The following ZMAT4 variants were observed in gnomAD, a reference collection of about 807,000 sequenced individuals.
ZMAT4 encodes the protein zinc finger matrin-type protein 4.
In ZMAT4, 17 loss-of-function variants were observed where a neutral mutation model predicts 28.7. The observed-to-expected ratio is 0.59, with a 90% CI of 0.41 to 0.89. The LOEUF (loss-of-function observed/expected upper bound fraction) is 0.89. Among genes scored for constraint, ZMAT4 ranks in the 40% least tolerant of loss-of-function variants. The pLI, the probability that ZMAT4 is intolerant of heterozygous loss-of-function variation, is 0.00. For synonymous variants in ZMAT4, 117 were observed against 109.2 expected, an observed-to-expected ratio of 1.07 and a Z score of -0.44; for missense variants, 240 against 283.8, an observed-to-expected ratio of 0.85 and a Z score of 1.11.
chr8:40,556,559 A>T (rs1331518902), intron 6 of ZMAT4, among the ~76,000 whole-genome samples: 1 of 152,156 alleles, frequency 6.6e-6, no homozygotes, highest in Non-Finnish European at 1.5e-5. Context: ...CCTGAGTAAG[A>T]AGCACATCAC....
chr8:40,542,344 A>AAT (rs1475697572), intron 6 of ZMAT4, among the ~76,000 whole-genome samples: 1 of 152,088 alleles, frequency 6.6e-6, no homozygotes, highest in Non-Finnish European at 1.5e-5. Context: ...AAAAAGCAGT[A>AAT]ATATGATCAT....
At chr8:40,737,791 A>C (rs1811834283) in intron 3 of ZMAT4, among the ~76,000 whole-genome samples, 1 of 151,914 alleles carries the variant, frequency 6.6e-6, no homozygotes, top group African/African-American at 2.4e-5. Flanking sequence ...CAAGTTATTT[A>C]ATCTGTCTTA....
chr8:40,569,332 A>G (rs576471053), intron 6 of ZMAT4, among the ~76,000 whole-genome samples: 4 of 152,306 alleles, frequency 2.6e-5, no homozygotes, highest in East Asian at 3.9e-4. Context: ...ACAATCCACA[A>G]CTTCTAAGAG....
intron 1 of ZMAT4, among the ~76,000 whole-genome samples, chr8:40,884,220 G>A (rs1586221854): frequency 6.7e-6 from 1 of 150,270 alleles, no homozygotes; most frequent in Non-Finnish European, 1.5e-5. Flanking sequence ...TCTGGCTACG[G>A]ACTCCTCTTC....
In ZMAT4 at chr8:40,877,451, A is replaced by G. The variant is rs150668144; in HGVS notation, c.-5+20232T>C. 1.3e-3 allele frequency among the ~76,000 whole-genome samples: 196 copies of G among 152,322 alleles called. 1 individual carries two copies. Among genetic ancestry groups the G allele is most frequent in the African/African-American group, 4.4e-3 (181 of 41,572 alleles). ...GGAAGGCTGGAACGATTGGCTGCTG[A>G]AAAAGGTGCCCTCTTGCTGAACTCT... On this transcript the variant is annotated intron_variant, in intron 1 of 6. Transcript: ENST00000297737.
At chr8:40,665,237 C>T (rs567838248) in intron 5 of ZMAT4, among the ~76,000 whole-genome samples, 2 of 129,804 alleles carry the variant, frequency 1.5e-5, no homozygotes, top group African/African-American at 2.9e-5. Context: ...AACACACACA[C>T]AAAAAAAACA....
At chr8:40,547,476 A>T (rs1182869709) in intron 6 of ZMAT4, among the ~76,000 whole-genome samples, 1 of 152,192 alleles carries the variant, frequency 6.6e-6, no homozygotes, top group African/African-American at 2.4e-5. Context: ...GGCCAGACAG[A>T]TTTGAATTTG....
intron 1 of ZMAT4, among the ~76,000 whole-genome samples, chr8:40,868,474 G>A (rs1817746074): frequency 6.6e-6 from 1 of 152,156 alleles, no homozygotes; most frequent in African/African-American, 2.4e-5. Flanking sequence ...TATCCCAGCA[G>A]TTTCTCAGGA....
chr8:40,558,357 C>A (rs1330637936), intron 6 of ZMAT4, among the ~76,000 whole-genome samples: 1 of 151,970 alleles, frequency 6.6e-6, no homozygotes, highest in Non-Finnish European at 1.5e-5. Flanking sequence ...GGCAAATGTC[C>A]CCACAGGGAG....
chr8:40,756,701 C>T (rs1210460508), intron 3 of ZMAT4, among the ~76,000 whole-genome samples: 5 of 148,740 alleles, frequency 3.4e-5, no homozygotes, highest in Admixed American at 6.8e-5. Context: ...TAGTTCTGTT[C>T]TATAAAGTTG....
intron 3 of ZMAT4, among the ~76,000 whole-genome samples, chr8:40,751,295 G>C (rs907040480): frequency 1.3e-5 from 2 of 152,144 alleles, no homozygotes; most frequent in African/African-American, 4.8e-5. Flanking sequence ...AGGAAGCATG[G>C]TGCCAGCATC....
chr8:40,890,259 C>CA (rs1818622261), intron 1 of ZMAT4, among the ~76,000 whole-genome samples: 1 of 152,186 alleles, frequency 6.6e-6, no homozygotes, highest in Non-Finnish European at 1.5e-5. Context: ...CGAACACCTC[C>CA]ACTGAAGCAT....
At chr8:40,718,518 A>T (rs13256069) in intron 3 of ZMAT4, among the ~76,000 whole-genome samples, 89,550 of 151,978 alleles carry the variant, frequency 0.59, 26,806 homozygotes, top group African/African-American at 0.68. Context: ...TTTTTTTTAA[A>T]TTTCCAGTTT....
chr8:40,778,117 G>A (rs997042573), intron 2 of ZMAT4, among the ~76,000 whole-genome samples: 5 of 152,132 alleles, frequency 3.3e-5, no homozygotes, highest in Non-Finnish European at 7.4e-5. Context: ...AGCAATAATA[G>A]AAGAAAAAGT....
chr8:40,538,163 A>G (rs1185032460), intron 6 of ZMAT4, among the ~76,000 whole-genome samples: 1 of 151,942 alleles, frequency 6.6e-6, no homozygotes, highest in Non-Finnish European at 1.5e-5. Flanking sequence ...ACACTTTGCA[A>G]CCTATTTTCT....
At chr8:40,604,274 A>G (rs2118631367) in intron 5 of ZMAT4, among the ~76,000 whole-genome samples, 1 of 152,260 alleles carries the variant, frequency 6.6e-6, no homozygotes, top group South Asian at 2.1e-4. Context: ...GAAGTGGTGA[A>G]AGTGGGCATC....
chr8:40,653,548 A>C (rs1807781909), intron 5 of ZMAT4, among the ~76,000 whole-genome samples: 1 of 152,134 alleles, frequency 6.6e-6, no homozygotes, highest in East Asian at 1.9e-4. Flanking sequence ...ACAAATTACT[A>C]AACTAAAAAA....
At chr8:40,717,597 G>A (rs543213135) in intron 3 of ZMAT4, among the ~76,000 whole-genome samples, 61 of 152,236 alleles carry the variant, frequency 4.0e-4, no homozygotes, top group Non-Finnish European at 7.6e-4. Flanking sequence ...GGAGTTCAAG[G>A]CTGCTGTGAG....
At chr8:40,865,632 GGGA>G (rs1184461199) in intron 1 of ZMAT4, among the ~76,000 whole-genome samples, 9 of 152,192 alleles carry the variant, frequency 5.9e-5, no homozygotes, top group Non-Finnish European at 1.0e-4. Context: ...CAACCGTGGT[GGGA>G]GGGATTATGC....
Sources: allele counts gnomAD v4.1 joint callset (sites outside exome capture counted in the v4.1 genomes callset), GRCh38; gene constraint gnomAD v4.1.1; transcripts MANE v1.5; gene names NCBI Gene and HGNC (gene_info 2026-07-23, HGNC 2026-07-21).